COL5A3: variants seen among roughly 807,000 people sequenced by gnomAD.
COL5A3 encodes the protein collagen alpha-3(V) chain.
In COL5A3, 172 loss-of-function variants were observed where a neutral mutation model predicts 250.0. The observed-to-expected ratio is 0.69, with a 90% CI of 0.61 to 0.78. The LOEUF (loss-of-function observed/expected upper bound fraction) is 0.78, where lower values mean the gene tolerates loss of function less well. Ranked by LOEUF, COL5A3 falls within the 30% of genes least tolerant of loss-of-function variation. The probability of loss-of-function intolerance (pLI) is 0.00; values close to 1 mark genes in which losing one functional copy is unlikely to be tolerated. For missense variants in COL5A3, 2,340 were observed against 2,334.4 expected (o/e 1.00, Z -0.05); for synonymous variants, 937 against 900.4 (o/e 1.04, Z -0.73).
intron 16 of COL5A3, among the ~76,000 whole-genome samples, chr19:9,994,722 C>T (rs1344280742): frequency 6.7e-6 from 1 of 150,360 alleles, no homozygotes; most frequent in Non-Finnish European, 1.5e-5. Flanking sequence ...GTACAACCTA[C>T]CAAACACCCA....
At chr19:9,990,477 C>G (rs1350449812) in intron 24 of COL5A3, among the ~76,000 whole-genome samples, 1 of 151,770 alleles carries the variant, frequency 6.6e-6, no homozygotes, top group East Asian at 1.9e-4. Flanking sequence ...TACTACATGA[C>G]ATGATTCTTA....
chr19:10,009,373 T>C lies in COL5A3; in HGVS notation c.88+925A>G, dbSNP rs922653370. Among the ~76,000 whole-genome samples, 2 of 151,672 alleles carry C rather than the reference T, an allele frequency of 1.3e-5. No homozygotes were observed. Among genetic ancestry groups the C allele is most frequent in the Non-Finnish European group, 2.9e-5 (2 of 67,838 alleles). ...GGGCGGGACAGGGCGCCCAGCCAGA[T>C]GCGCGCAGCTGGGCGTGCGTCAGCG... On this transcript the variant is annotated intron_variant, in intron 1 of 66. Coordinates refer to ENST00000264828, the MANE Select transcript of COL5A3 (RefSeq NM_015719.4). The surrounding 1 kb of genome is among the most constrained non-coding windows in gnomAD (Gnocchi z 4.4).
chr19:9,962,776 A>G lies in COL5A3; in HGVS notation c.4851+43T>C, dbSNP rs112995727. 3,631 of 1,494,898 alleles carry G rather than the reference A, an allele frequency of 2.4e-3. 52 individuals carry two copies. In the African/African-American group the frequency reaches 0.044, roughly 18 times the overall value. The allele number at this position is 1,494,898 out of a possible 1,614,324, so 92.6% of individuals were successfully genotyped here. On this transcript the variant is annotated intron_variant, in intron 65 of 66. Coordinates refer to ENST00000264828, the MANE Select transcript of COL5A3 (RefSeq NM_015719.4). ...CCCTCAAACCCCCCTGCTGGTTCCCATCAATTTTCATGTCACTCCCCATCT... is the reference window on the plus strand; with the variant it reads ...CCCTCAAACCCCCCTGCTGGTTCCCGTCAATTTTCATGTCACTCCCCATCT...
chr19:9,972,065 G>T (rs900674371), intron 51 of COL5A3, among the ~76,000 whole-genome samples: 1 of 152,030 alleles, frequency 6.6e-6, no homozygotes, highest in Non-Finnish European at 1.5e-5. Context: ...ATTCATTCAT[G>T]CATCCATTCA....
chr19:10,005,933 T>C lies in COL5A3; in HGVS notation c.300A>G (p.Pro100=). ...FSLLITLRGQ[P]ANQSVLLSIY... Reference sequence around the variant, plus strand: ...TGGACAGCAGGACAGACTGATTGGCTGGCTGTCCCCGCAAGGTGATCAGCA... The same window carrying C: ...TGGACAGCAGGACAGACTGATTGGCCGGCTGTCCCCGCAAGGTGATCAGCA... The change falls in exon 3 of 67, where the codon CCA becomes CCG. Residue 100 remains proline (P), a synonymous_variant. Coordinates refer to ENST00000264828, the MANE Select transcript of COL5A3 (RefSeq NM_015719.4). 6.2e-7 allele frequency: 1 copy of C among 1,614,092 alleles called. No homozygotes were observed.
rs755894281 is a variant in COL5A3, at chr19:9,995,544, G to A, written c.1587+20C>T. 6.2e-7 allele frequency: 1 copy of A among 1,603,816 alleles called. No individual in the cohort carries two copies. On this transcript the variant is annotated intron_variant, in intron 16 of 66. Coordinates refer to ENST00000264828, the MANE Select transcript of COL5A3 (RefSeq NM_015719.4). Reference sequence around the variant, plus strand: ...TGAGGGATGGATAAGGGGTGGTCTGGGGACCTAGCTGTCACTCACCATCTT... The same window carrying A: ...TGAGGGATGGATAAGGGGTGGTCTGAGGACCTAGCTGTCACTCACCATCTT...
At chr19:9,966,844 C>T in intron 62 of COL5A3, 98 bp from the exon 63 acceptor site, 1 of 921,526 alleles carries the variant, frequency 1.1e-6, no homozygotes, top group Non-Finnish European at 1.6e-6. Flanking sequence ...CAGACAGACA[C>T]AAATGAGAAA....
chr19:9,978,783 T>G, intron 40 of COL5A3, 108 bp downstream of exon 40: 1 of 966,940 alleles, frequency 1.0e-6, no homozygotes, highest in African/African-American at 1.7e-5. Flanking sequence ...CCATTTTTTT[T>G]GCTTTCATCA....
In COL5A3 at chr19:9,978,996, G is replaced by C; in HGVS notation, c.2875-16C>G. The C allele has an allele frequency of 6.5e-7, 1 of 1,543,314 alleles. No homozygotes were observed. The highest frequency in any genetic ancestry group is 8.7e-7 in the Non-Finnish European group (1 of 1,148,480). On this transcript the variant is annotated splice_polypyrimidine_tract_variant and intron_variant, in intron 39 of 66. Coordinates refer to ENST00000264828, the MANE Select transcript of COL5A3 (RefSeq NM_015719.4). ...CCAGTTCCCCCTACAGGAGTGCAAA[G>C]GAGGGAAGTCAAGCTCCAGGGAGGG...
chr19:9,997,227 G>C, intron 11 of COL5A3, 144 bp downstream of exon 11: 1 of 703,584 alleles, frequency 1.4e-6, no homozygotes, highest in Non-Finnish European at 2.6e-6. Flanking sequence ...TCACAGATGG[G>C]AGACAGAGAA....
chr19:9,998,099 C>T lies in COL5A3; in HGVS notation c.1158+3G>A. The T allele has an allele frequency of 1.9e-6, 3 of 1,614,048 alleles. No homozygotes were observed. Among genetic ancestry groups the T allele is most frequent in the Non-Finnish European group, 2.5e-6 (3 of 1,180,006 alleles). On this transcript the variant is annotated splice_donor_region_variant and intron_variant, in intron 9 of 66. Coordinates refer to ENST00000264828, the MANE Select transcript of COL5A3 (RefSeq NM_015719.4). The stretch of plus-strand genomic sequence containing the variant: ...CAACCCCCTCACAATCCAGACCCCT[C>T]ACCTTTTCAATCACTGCGGGCTCTC...
At position 9,978,594 on chromosome 19, in the gene COL5A3, G is replaced by A. The variant is rs1216221541; in HGVS notation, c.2998C>T (p.Pro1000Ser). The change falls in exon 41 of 67, where the codon CCA (proline) becomes TCA (serine). Residue 1000 changes from proline to serine, a missense_variant. Pro to Ser is a moderately conservative substitution (Grantham distance 74). Transcript: ENST00000264828. Reference sequence around the variant, plus strand: ...CTTACATTGGCCCCCACGGGCCCTGGGGGGCCCTTATCACCCTTTAAGCCA... The same window carrying A: ...CTTACATTGGCCCCCACGGGCCCTGAGGGGCCCTTATCACCCTTTAAGCCA... ...PTGLKGDKGP[P>S]GPVGANGSPG... The A allele has an allele frequency of 1.3e-6, 2 of 1,581,984 alleles. No homozygotes were observed. Among genetic ancestry groups the A allele is most frequent in the South Asian group, 1.1e-5 (1 of 87,404 alleles).
At chr19:9,969,840 G>A (rs766049497) in intron 55 of COL5A3, 29 bp downstream of exon 55, 22 of 1,612,970 alleles carry the variant, frequency 1.4e-5, no homozygotes, top group African/African-American at 8.0e-5. Context: ...AGTAGTGCAG[G>A]GACCCTTCCC....
intron 8 of COL5A3, among the ~76,000 whole-genome samples, chr19:10,000,175 G>A (rs982677625): frequency 6.6e-6 from 1 of 151,906 alleles, no homozygotes; most frequent in Non-Finnish European, 1.5e-5. Context: ...CCATCTTCTT[G>A]GTTTGCTGTC....
rs2087048137 is a variant in COL5A3, at chr19:9,983,598, A to AGG, written c.2407-1481_2407-1480insCC. ...AAAGAAAGAAAGAAAGAAAGAAAGA[A>AGG]AGAGAAAGAGAGAGAGAGAGAAAGA... is the stretch of plus-strand genomic sequence containing the variant. On this transcript the variant is annotated intron_variant, in intron 31 of 66. Coordinates refer to ENST00000264828, the MANE Select transcript of COL5A3 (RefSeq NM_015719.4). 4.7e-5 allele frequency among the ~76,000 whole-genome samples: 4 copies of AGG among 84,486 alleles called. 1 individual carries two copies. Among genetic ancestry groups the AGG allele is most frequent in the African/African-American group, 1.5e-4 (3 of 20,068 alleles). 55.4% of individuals were successfully genotyped at this position (84,486 alleles called of 152,430 possible). A position where few individuals can be genotyped will look rare whatever the true frequency, so the allele number is the denominator to read the frequency against.
At chr19:9,977,183 C>T (rs1057170610) in intron 44 of COL5A3, 46 bp downstream of exon 44, 1 of 1,593,676 alleles carries the variant, frequency 6.3e-7, no homozygotes, top group African/African-American at 1.3e-5. Flanking sequence ...CCTCCTCTTT[C>T]TTCCGCTACC....
At chr19:9,988,200 C>T (rs952417480) in intron 27 of COL5A3, among the ~76,000 whole-genome samples, 1 of 151,998 alleles carries the variant, frequency 6.6e-6, no homozygotes, top group Admixed American at 6.5e-5. Flanking sequence ...CATCATTGCA[C>T]TCTAGCCTGG....
chr19:10,004,627 G>A (rs763900497), intron 4 of COL5A3, among the ~76,000 whole-genome samples: 93 of 152,214 alleles, frequency 6.1e-4, no homozygotes, highest in Admixed American at 1.1e-3. Context: ...CACCGCGCCC[G>A]GCCAAGACCA....
chr19:9,970,820 T>A, intron 53 of COL5A3, 145 bp from the exon 54 acceptor site: 1 of 1,024,520 alleles, frequency 9.8e-7, no homozygotes, highest in Non-Finnish European at 1.4e-6. Context: ...TCCCTCAAGC[T>A]GCTCACATTC....
Sources: allele counts gnomAD v4.1 joint callset (sites outside exome capture counted in the v4.1 genomes callset), GRCh38; gene constraint gnomAD v4.1.1; non-coding constraint Gnocchi (gnomAD v3.1); transcripts MANE v1.5; gene names NCBI Gene and HGNC (gene_info 2026-07-23, HGNC 2026-07-21).